Variants in PSMC2 observed in about 807,000 individuals in gnomAD.
PSMC2 encodes the protein proteasome 26S subunit, ATPase 2.
In PSMC2, 7 loss-of-function variants were observed where a neutral mutation model predicts 53.3. The ratio of observed to expected loss-of-function variants is 0.13; its 90% CI spans 0.07 to 0.25. PSMC2 has a LOEUF of 0.25. Among genes scored for constraint, PSMC2 ranks in the 10% least tolerant of loss-of-function variants. The pLI is 1.00. For missense variants in PSMC2, 241 were observed against 544.0 expected (o/e 0.44, Z 5.54); for synonymous variants, 169 against 183.9 (o/e 0.92, Z 0.66).
rs555786846 is a variant in PSMC2 at position 103,359,813 on chromosome 7, C to T, written c.291-2144C>T. 2.6e-5 allele frequency among the ~76,000 whole-genome samples: 4 copies of T among 152,276 alleles called. No homozygotes were observed. The East Asian group carries it at 7.7e-4, about 29-fold the overall frequency. On this transcript the variant is annotated intron_variant, in intron 4 of 11. Transcript: ENST00000292644. Reference sequence around the variant, plus strand: ...GTTTTTGTTTGACTGGGCGCAGTGGCTCATGCCTGTAATCCCAGCACTTTG... The same window carrying T: ...GTTTTTGTTTGACTGGGCGCAGTGGTTCATGCCTGTAATCCCAGCACTTTG...
At chr7:103,350,340 T>G (rs1315838757) in intron 1 of PSMC2, among the ~76,000 whole-genome samples, 8 of 152,234 alleles carry the variant, frequency 5.3e-5, no homozygotes, top group Non-Finnish European at 1.2e-4. Flanking sequence ...CTGTTTTTCC[T>G]ATCTGTAATG....
intron 1 of PSMC2, chr7:103,352,916 C>T (rs755302817): frequency 1.5e-5 from 12 of 780,938 alleles, no homozygotes; most frequent in Non-Finnish European, 2.9e-5. Flanking sequence ...CTGGTCATCT[C>T]TGTATGAAAG....
chr7:103,362,237 T>C (rs191477205), intron 5 of PSMC2, 149 bp downstream of exon 5: 3 of 1,443,244 alleles, frequency 2.1e-6, no homozygotes, highest in Admixed American at 3.1e-5. Context: ...AAATTCTGTC[T>C]TCTGCATCTG....
intron 1 of PSMC2, among the ~76,000 whole-genome samples, chr7:103,353,504 G>T (rs768571447): frequency 6.6e-6 from 1 of 152,014 alleles, no homozygotes; most frequent in Non-Finnish European, 1.5e-5. Flanking sequence ...ACGGGGTTTC[G>T]CCAGGTTGGC....
intron 8 of PSMC2, among the ~76,000 whole-genome samples, chr7:103,365,050 A>G (rs1472611989): frequency 6.7e-6 from 1 of 149,214 alleles, no homozygotes; most frequent in Non-Finnish European, 1.5e-5. Flanking sequence ...TATATTTACA[A>G]TAAGAATTAG....
At position 103,367,986 on chromosome 7, in the gene PSMC2, G is replaced by T. The variant is rs751517040; in HGVS notation, c.1234G>T (p.Ala412Ser). 3.1e-6 allele frequency: 5 copies of T among 1,613,960 alleles called. No homozygotes were observed. In the African/African-American group the frequency reaches 5.3e-5, roughly 17 times the overall value. Reference sequence around the variant, plus strand: ...TGCTACCGAGAAGGATTTCTTGGAAGCTGTAAATAAGGTCATTAAGTCTTA... The same window carrying T: ...TGCTACCGAGAAGGATTTCTTGGAATCTGTAAATAAGGTCATTAAGTCTTA... ...KIATEKDFLEAVNKVIKSYAK... is the reference protein window; with the variant it reads ...KIATEKDFLESVNKVIKSYAK... The change falls in exon 12 of 12, where the codon GCT becomes TCT. Residue 412 changes from alanine (A) to serine (S), a missense_variant. Around this residue, in one of 6 missense-constraint regions of PSMC2, gnomAD observed 60 missense variants for 115.8 expected, o/e 0.52. Coordinates refer to ENST00000292644, the MANE Select transcript of PSMC2 (RefSeq NM_002803.4). The surrounding 1 kb of genome is among the most constrained non-coding windows in gnomAD (Gnocchi z 6.1).
At chr7:103,364,879 A>G (rs1015432120) in intron 8 of PSMC2, among the ~76,000 whole-genome samples, 2 of 151,002 alleles carry the variant, frequency 1.3e-5, no homozygotes, top group Non-Finnish European at 2.9e-5. Context: ...ATTAAAAAGT[A>G]TACTTTTACT....
chr7:103,359,169 TTAA>T (rs1820226485), intron 4 of PSMC2, among the ~76,000 whole-genome samples: 1 of 138,146 alleles, frequency 7.2e-6, no homozygotes, highest in African/African-American at 2.8e-5. Context: ...TTTTTTTTTT[TTAA>T]TTTTTAGTAG....
At chr7:103,361,510 CAAAAAA>C (rs759044767) in intron 4 of PSMC2, among the ~76,000 whole-genome samples, 3 of 51,102 alleles carry the variant, frequency 5.9e-5, no homozygotes, top group African/African-American at 1.9e-4. Flanking sequence ...AACTCCATCT[CAAAAAA>C]AAAAAAAAAA....
chr7:103,361,475 G>A (rs1820403311), intron 4 of PSMC2, among the ~76,000 whole-genome samples: 1 of 120,276 alleles, frequency 8.3e-6, no homozygotes, highest in Admixed American at 1.1e-4. Flanking sequence ...ACACCATTGT[G>A]TTTCAGCCTG....
intron 8 of PSMC2, among the ~76,000 whole-genome samples, chr7:103,364,919 A>G (rs1387274824): frequency 6.8e-6 from 1 of 146,428 alleles, no homozygotes; most frequent in Non-Finnish European, 1.5e-5. Flanking sequence ...TCCTAATGAG[A>G]AAGTGAGAAC....
Position 103,362,053 on chromosome 7 carries a change from G to C in PSMC2, c.387G>C (p.Val129=). ...AKFVVDLSDQ[V]APTDIEEGMR... The stretch of plus-strand genomic sequence containing the variant: ...TTGTGGTGGACCTTAGTGATCAGGT[G>C]GCACCTACTGACATTGAAGAAGGGA... Residue 129 remains valine (V), a synonymous_variant, in exon 5 of 12, where the codon GTG becomes GTC. Coordinates refer to ENST00000292644, the MANE Select transcript of PSMC2 (RefSeq NM_002803.4). The C allele has an allele frequency of 6.2e-7, 1 of 1,613,330 alleles. No homozygotes were observed. The highest frequency in any genetic ancestry group is 1.3e-5 in the African/African-American group (1 of 74,970).
chr7:103,363,185 T>C (rs1820513684), intron 6 of PSMC2, among the ~76,000 whole-genome samples, 159 bp from the exon 7 acceptor site: 2 of 152,252 alleles, frequency 1.3e-5, no homozygotes, highest in South Asian at 4.1e-4. Context: ...AACAAGTTAA[T>C]ACAGCAAGTA....
chr7:103,348,647 A>G (rs1586129796), intron 1 of PSMC2: 1 of 1,487,132 alleles, frequency 6.7e-7, no homozygotes, highest in Middle Eastern at 2.4e-4. Context: ...AAATTCGGCC[A>G]GGGTTCTCGC....
chr7:103,368,918 G>C lies in PSMC2; in HGVS notation c.*864G>C, dbSNP rs900542791. On this transcript the variant is annotated 3_prime_UTR_variant, in exon 12 of 12. Transcript: ENST00000292644. The stretch of plus-strand genomic sequence containing the variant: ...TATTTTAAAAATAAAGGTTATATTA[G>C]AATCCTCAACATCTCTTTAAAATTA... 1 of 22,986 alleles carries C rather than the reference G, an allele frequency of 4.4e-5. No homozygotes were observed. The highest frequency in any genetic ancestry group is 9.4e-5 in the African/African-American group (1 of 10,610). 1.4% of individuals were successfully genotyped at this position (22,986 alleles called of 1,614,324 possible). A position where few individuals can be genotyped will look rare whatever the true frequency, so the allele number is the denominator to read the frequency against.
At position 103,351,445 on chromosome 7, in the gene PSMC2, C is replaced by T. The variant is rs562851492; in HGVS notation, c.71-2476C>T. On this transcript the variant is annotated intron_variant, in intron 1 of 11. Transcript: ENST00000292644. ...TAAAATGTTGCTAACCAGAGTAGCT[C>T]GTTAGAGATTTGGCACCCAGGGTTT... 8.9e-4 allele frequency among the ~76,000 whole-genome samples: 136 copies of T among 152,228 alleles called. 5 individuals are homozygous for T. The South Asian group carries it at 0.024, about 27-fold the overall frequency.
chr7:103,348,774 G>T (rs934374349), intron 1 of PSMC2: 1 of 1,003,480 alleles, frequency 1.0e-6, no homozygotes, highest in Non-Finnish European at 1.6e-6. Flanking sequence ...TGGACTAAGT[G>T]ATCTTCCTTC....
At chr7:103,351,576 C>T (rs1819739353) in intron 1 of PSMC2, among the ~76,000 whole-genome samples, 1 of 152,174 alleles carries the variant, frequency 6.6e-6, no homozygotes, top group African/African-American at 2.4e-5. Context: ...TTTGTATAAA[C>T]ATTTTAAGCA....
chr7:103,352,083 A>T (rs1309178896), intron 1 of PSMC2, among the ~76,000 whole-genome samples: 5 of 151,836 alleles, frequency 3.3e-5, no homozygotes, highest in Non-Finnish European at 5.9e-5. Flanking sequence ...TTTATGGTCT[A>T]CTTCACTAGA....
Sources: gnomAD v4.1 joint callset for allele counts (sites outside exome capture counted in the v4.1 genomes callset) on GRCh38, gnomAD v4.1.1 for gene constraint, gnomAD v4.1.1 regional missense constraint, Gnocchi (gnomAD v3.1) non-coding constraint, MANE v1.5 for transcripts, NCBI Gene and HGNC (gene_info 2026-07-23, HGNC 2026-07-21) for gene names.